The following OR56A1 variants were observed in gnomAD, a reference collection of about 807,000 sequenced individuals.
OR56A1 encodes the protein olfactory receptor family 56 subfamily A member 1, also known as olfactory receptor 56A1.
For missense variants in OR56A1, 360 were observed against 380.9 expected (o/e 0.94, Z 0.46); for synonymous variants, 174 against 159.1 (o/e 1.09, Z -0.70).
upstream of OR56A1, among the ~76,000 whole-genome samples, chr11:6,031,414 C>T (rs2133611042): frequency 6.6e-6 from 1 of 152,146 alleles, no homozygotes; most frequent in South Asian, 2.1e-4. Context: ...ACTCTGGACA[C>T]ATTATTATGC....
At chr11:6,033,081 A>G (rs1848528060), upstream of OR56A1, among the ~76,000 whole-genome samples, 1 of 152,028 alleles carries the variant, frequency 6.6e-6, no homozygotes, top group East Asian at 1.9e-4. Flanking sequence ...CAATCCTCCT[A>G]TCTGCTTCCA....
chr11:6,026,879 G>T lies in OR56A1; in HGVS notation c.814C>A (p.Pro272Thr), dbSNP rs1848453636. Reference protein sequence around the residue: ...VLTNVARKKVPMDILILLNVL... With the variant: ...VLTNVARKKVTMDILILLNVL... Reference sequence around the variant, plus strand: ...TTCAGCAGGATCAGGATGTCCATGGGGACCTTCTTTCTGGCCACGTTTGTC... The same window carrying T: ...TTCAGCAGGATCAGGATGTCCATGGTGACCTTCTTTCTGGCCACGTTTGTC... Residue 272 changes from proline to threonine, a missense_variant, in exon 2 of 2, where the codon CCC becomes ACC. Transcript: ENST00000641900. 6.2e-7 allele frequency: 1 copy of T among 1,614,016 alleles called. No homozygotes were observed. Among genetic ancestry groups the T allele is most frequent in the African/African-American group, 1.3e-5 (1 of 74,928 alleles).
At position 6,021,485 on chromosome 11, in the gene OR56A1, A is replaced by T. The variant is rs1347940527; in HGVS notation, c.*5263T>A. 6.6e-6 allele frequency: 1 copy of T among 152,176 alleles called. No individual in the cohort carries two copies. Among genetic ancestry groups the T allele is most frequent in the African/African-American group, 2.4e-5 (1 of 41,454 alleles). 9.4% of individuals were successfully genotyped at this position (152,176 alleles called of 1,614,324 possible). ...GATCTGCTCACTACACGTTGTATGT[A>T]ACTTCATAAATATGTATAATTATTA... On this transcript the variant is annotated 3_prime_UTR_variant, in exon 2 of 2. Coordinates refer to ENST00000641900, the MANE Select transcript of OR56A1 (RefSeq NM_001388488.1).
Position 6,027,562 on chromosome 11 carries a change from G to C in OR56A1, c.131C>G (p.Ala44Gly). Residue 44 changes from alanine to glycine, a missense_variant, in exon 2 of 2, where the codon GCT (alanine) becomes GGT (glycine). By Grantham distance (60) the Ala-to-Gly change is moderately conservative. Transcript: ENST00000641900. ...GATGGTGATCAGGAGGGTGGTGTTAGCTCCCATGGCCAGGAGGAAGAGAAG... is the reference window on the plus strand; with the variant it reads ...GATGGTGATCAGGAGGGTGGTGTTACCTCCCATGGCCAGGAGGAAGAGAAG... ...LSLLFLLAMGANTTLLITIQL... is the reference protein window; with the variant it reads ...LSLLFLLAMGGNTTLLITIQL... The C allele has an allele frequency of 6.2e-7, 1 of 1,614,028 alleles. No individual in the cohort carries two copies. Among genetic ancestry groups the C allele is most frequent in the Non-Finnish European group, 8.5e-7 (1 of 1,180,006 alleles).
upstream of OR56A1, among the ~76,000 whole-genome samples, chr11:6,031,699 C>T (rs1010661682): frequency 3.3e-5 from 5 of 152,138 alleles, no homozygotes; most frequent in Admixed American, 6.5e-5. Flanking sequence ...TTAGTGTGTA[C>T]TGGGATATGT....
At position 6,026,948 on chromosome 11, in the gene OR56A1, T is replaced by A; in HGVS notation, c.745A>T (p.Ile249Phe). The stretch of plus-strand genomic sequence containing the variant: ...ATGGTGCTGAAGAAAAGAATGAGGA[T>A]GAAGTGGGAGCCACATGTGCTCAGG... Reference protein sequence around the residue: ...KALSTCGSHFILILFFSTILL... With the variant: ...KALSTCGSHFFLILFFSTILL... Residue 249 changes from isoleucine to phenylalanine, a missense_variant, in exon 2 of 2, where the codon ATC becomes TTC. By Grantham distance (21) the Ile-to-Phe change is conservative. Transcript: ENST00000641900. 6.2e-7 allele frequency: 1 copy of A among 1,614,136 alleles called. No homozygotes were observed. Among genetic ancestry groups the A allele is most frequent in the Non-Finnish European group, 8.5e-7 (1 of 1,180,012 alleles).
rs1848409766 is a variant in OR56A1 at position 6,022,778 on chromosome 11, G to GTC, written c.*3969_*3970insGA. 1 of 152,064 alleles carries GTC rather than the reference G, an allele frequency of 6.6e-6. No individual in the cohort carries two copies. The highest frequency in any genetic ancestry group is 1.5e-5 in the Non-Finnish European group (1 of 67,998). The allele number at this position is 152,064 out of a possible 1,614,324, so 9.4% of individuals were successfully genotyped here. A position where few individuals can be genotyped will look rare whatever the true frequency, so the allele number is the denominator to read the frequency against. Reference sequence around the variant, plus strand: ...AATCTCTCTAAAACTTAGTTTTCCTGTATGTTCAGAGTGCTAATCACACGT... The same window carrying GTC: ...AATCTCTCTAAAACTTAGTTTTCCTGTCTATGTTCAGAGTGCTAATCACACGT... On this transcript the variant is annotated 3_prime_UTR_variant, in exon 2 of 2. Transcript: ENST00000641900.
chr11:6,027,643 A>G lies in OR56A1; in HGVS notation c.50T>C (p.Leu17Pro). Residue 17 changes from leucine (L) to proline (P), a missense_variant, in exon 2 of 2, where the codon CTC becomes CCC. Physicochemically the swap from Leu to Pro is moderately conservative, Grantham distance 98 (BLOSUM62 -3). Transcript: ENST00000641900. ...ACTCTGGAAGTTGGGGAAGCAGATGAGGAGGAATTCAGAGACTGGGACAGT... is the reference window on the plus strand; with the variant it reads ...ACTCTGGAAGTTGGGGAAGCAGATGGGGAGGAATTCAGAGACTGGGACAGT... ...SSTVPVSEFLLICFPNFQSWQ... is the reference protein window; with the variant it reads ...SSTVPVSEFLPICFPNFQSWQ... 4 of 1,610,788 alleles carry G rather than the reference A, an allele frequency of 2.5e-6. No homozygotes were observed. Among genetic ancestry groups the G allele is most frequent in the Non-Finnish European group, 3.4e-6 (4 of 1,178,474 alleles).
At chr11:6,029,023 C>G (rs1363091849) in intron 1 of OR56A1, among the ~76,000 whole-genome samples, 1 of 152,054 alleles carries the variant, frequency 6.6e-6, no homozygotes, top group Non-Finnish European at 1.5e-5. Context: ...TTAAATGAAA[C>G]AAGCCAGACA....
rs547380305 is a variant in OR56A1, at chr11:6,024,608, G to A, written c.*2140C>T. On this transcript the variant is annotated 3_prime_UTR_variant, in exon 2 of 2. Coordinates refer to ENST00000641900, the MANE Select transcript of OR56A1 (RefSeq NM_001388488.1). ...TTTAAAAACTCACTTTTATGATCAC[G>A]TATAGAAGGCTCTTATGAAAATTAA... 4 of 152,234 alleles carry A rather than the reference G, an allele frequency of 2.6e-5. No homozygotes were observed. Among genetic ancestry groups the A allele is most frequent in the South Asian group, 2.1e-4 (1 of 4,822 alleles). 9.4% of individuals were successfully genotyped at this position (152,234 alleles called of 1,614,324 possible).
At position 6,020,090 on chromosome 11, in the gene OR56A1, C is replaced by G. The variant is rs1342697575; in HGVS notation, c.*6658G>C. On this transcript the variant is annotated 3_prime_UTR_variant, in exon 2 of 2. Transcript: ENST00000641900. ...TCCAAGAGTATTGACTCAGGTATCT[C>G]TCCTCCCCCACCACATACTAACAAC... The G allele has an allele frequency of 2.0e-5, 3 of 152,084 alleles. No individual in the cohort carries two copies. Among genetic ancestry groups the G allele is most frequent in the Non-Finnish European group, 4.4e-5 (3 of 67,956 alleles). The allele number at this position is 152,084 out of a possible 1,614,324, so 9.4% of individuals were successfully genotyped here.
upstream of OR56A1, among the ~76,000 whole-genome samples, chr11:6,032,077 G>C (rs1039607801): frequency 3.3e-5 from 5 of 152,120 alleles, no homozygotes; most frequent in Admixed American, 2.0e-4. Context: ...TATAATAAGG[G>C]TGTGTCATTG....
In OR56A1 at chr11:6,027,447, G is replaced by A; in HGVS notation, c.246C>T (p.Pro82=). The change falls in exon 2 of 2, where the codon CCC becomes CCT. Residue 82 remains proline, a synonymous_variant. Transcript: ENST00000641900. ...LDIVLCLTVI[P]KVLAIFWYDL... is the part of the protein sequence containing the mutation. ...CATACCAGAAGATGGCCAGGACCTTGGGGATGACGGTGAGGCAGAGCACGA... is the reference window on the plus strand; with the variant it reads ...CATACCAGAAGATGGCCAGGACCTTAGGGATGACGGTGAGGCAGAGCACGA... The A allele has an allele frequency of 6.2e-7, 1 of 1,614,210 alleles. No homozygotes were observed. Among genetic ancestry groups the A allele is most frequent in the Non-Finnish European group, 8.5e-7 (1 of 1,180,038 alleles).
At chr11:6,030,171 T>C (rs1487660526) in intron 1 of OR56A1, among the ~76,000 whole-genome samples, 1 of 152,156 alleles carries the variant, frequency 6.6e-6, no homozygotes, top group Non-Finnish European at 1.5e-5. Flanking sequence ...CCAAGTACTA[T>C]TACCTCGAGT....
Position 6,027,267 on chromosome 11 carries a change from T to A in OR56A1, c.426A>T (p.Gln142His), listed in dbSNP as rs1356080308. 15 of 1,614,096 alleles carry A rather than the reference T, an allele frequency of 9.3e-6. No homozygotes were observed. The highest frequency in any genetic ancestry group is 8.5e-6 in the Non-Finnish European group (10 of 1,180,014). Residue 142 changes from glutamine (Q) to histidine (H), a missense_variant, in exon 2 of 2, where the codon CAA becomes CAT. Coordinates refer to ENST00000641900, the MANE Select transcript of OR56A1 (RefSeq NM_001388488.1). The part of the protein sequence containing the change: ...PLRYPSIITN[Q>H]FVAKASVFIV... ...TGAAGACACTAGCTTTGGCCACAAA[T>A]TGATTAGTGATGATGGATGGGTACC...
At chr11:6,034,306 C>CTTAGTG (rs1848539502), upstream of OR56A1, 2 of 152,304 alleles carry the variant, frequency 1.3e-5, no homozygotes, top group Admixed American at 6.5e-5. Context: ...AGAACGAGCT[C>CTTAGTG]TTAGTGTTGT....
At position 6,027,470 on chromosome 11, in the gene OR56A1, C is replaced by T. The variant is rs754475443; in HGVS notation, c.223G>A (p.Val75Met). 10 of 1,614,130 alleles carry T rather than the reference C, an allele frequency of 6.2e-6. No homozygotes were observed. Among genetic ancestry groups the T allele is most frequent in the Non-Finnish European group, 8.5e-6 (10 of 1,180,024 alleles). ...LLSLLSLLDI[V>M]LCLTVIPKVL... is the part of the protein sequence containing the mutation. Reference sequence around the variant, plus strand: ...TTGGGGATGACGGTGAGGCAGAGCACGATGTCCAGCAGGGAGAGGAGGCTG... The same window carrying T: ...TTGGGGATGACGGTGAGGCAGAGCATGATGTCCAGCAGGGAGAGGAGGCTG... The change falls in exon 2 of 2, where the codon GTG (valine) becomes ATG (methionine). Residue 75 changes from valine to methionine, a missense_variant. Physicochemically the swap from Val to Met is conservative, Grantham distance 21. Transcript: ENST00000641900.
rs771003488 is a variant in OR56A1 at position 6,022,327 on chromosome 11, C to T, written c.*4421G>A. ...AAGAGCCCAGAACATGGAGGATCCA[C>T]ATAATAAAAAAAGCATGGGTCCCTA... is the stretch of plus-strand genomic sequence containing the variant. On this transcript the variant is annotated 3_prime_UTR_variant, in exon 2 of 2. Coordinates refer to ENST00000641900, the MANE Select transcript of OR56A1 (RefSeq NM_001388488.1). 6 of 152,032 alleles carry T rather than the reference C, an allele frequency of 3.9e-5. No individual in the cohort carries two copies. Among genetic ancestry groups the T allele is most frequent in the Non-Finnish European group, 7.4e-5 (5 of 67,986 alleles). The allele number at this position is 152,032 out of a possible 1,614,324, so 9.4% of individuals were successfully genotyped here. A position where few individuals can be genotyped will look rare whatever the true frequency, so the allele number is the denominator to read the frequency against.
chr11:6,033,049 T>TC (rs964166078), upstream of OR56A1, among the ~76,000 whole-genome samples: 1 of 152,122 alleles, frequency 6.6e-6, no homozygotes, highest in Non-Finnish European at 1.5e-5. Flanking sequence ...CTCTTCATGC[T>TC]CCTCAGATGA....
Sources: allele counts gnomAD v4.1 joint callset (sites outside exome capture counted in the v4.1 genomes callset), GRCh38; gene constraint gnomAD v4.1.1; transcripts MANE v1.5; gene names NCBI Gene and HGNC (gene_info 2026-07-23, HGNC 2026-07-21).